POLN: variants seen among roughly 807,000 people sequenced by gnomAD.
The protein encoded by POLN is DNA polymerase nu, also known as DNA polymerase N.
In POLN, 108 loss-of-function variants were observed where a neutral mutation model predicts 113.5. The ratio of observed to expected loss-of-function variants is 0.95; its 90% CI spans 0.81 to 1.12. POLN has a LOEUF of 1.12. POLN is among the 50% of genes most tolerant of loss of function. POLN has a pLI of 0.00. For missense variants in POLN, 1,097 were observed against 1,077.1 expected, an observed-to-expected ratio of 1.02 and a Z score of -0.26; for synonymous variants, 386 against 391.5, an observed-to-expected ratio of 0.99 and a Z score of 0.17.
rs557456721 is a variant in POLN, at chr4:2,092,159, C to T, written c.2065+3692G>A. Among the ~76,000 whole-genome samples the T allele has an allele frequency of 1.6e-3, 237 of 152,272 alleles. 2 individuals carry two copies. In the Middle Eastern group the frequency reaches 0.02, roughly 13 times the overall value. Reference sequence around the variant, plus strand: ...AGTGCTGTGCGCCCAGGCCTCCTCCCGTGTCTCCTCTGACAGGTGCGAGCC... The same window carrying T: ...AGTGCTGTGCGCCCAGGCCTCCTCCTGTGTCTCCTCTGACAGGTGCGAGCC... On this transcript the variant is annotated intron_variant, in intron 20 of 25. Coordinates refer to ENST00000511885, the MANE Select transcript of POLN (RefSeq NM_181808.4).
chr4:2,150,650 A>G (rs1027056954), intron 16 of POLN, among the ~76,000 whole-genome samples: 1 of 152,260 alleles, frequency 6.6e-6, no homozygotes, highest in Non-Finnish European at 1.5e-5. Context: ...ATATAGATCA[A>G]CTAGACTGAG....
chr4:2,090,342 AG>A, intron 20 of POLN: 1 of 781,426 alleles, frequency 1.3e-6, no homozygotes, highest in Non-Finnish European at 2.1e-6. Flanking sequence ...AGCATCTCCA[AG>A]TACTTTCTCT....
intron 8 of POLN, chr4:2,177,223 C>T: frequency 2.2e-6 from 1 of 449,862 alleles, no homozygotes; most frequent in Non-Finnish European, 4.5e-6. Context: ...CAGGACAGGC[C>T]CAGCTCCCTG....
intron 7 of POLN, among the ~76,000 whole-genome samples, chr4:2,189,753 A>AG (rs1733390619): frequency 6.6e-6 from 1 of 151,046 alleles, no homozygotes; most frequent in South Asian, 2.1e-4. Context: ...CAAAAAGGCC[A>AG]GGCGCGGTGG....
intron 2 of POLN, chr4:2,232,136 C>T: frequency 1.9e-6 from 3 of 1,557,210 alleles, no homozygotes; most frequent in Non-Finnish European, 2.6e-6. Flanking sequence ...TGAGATTCAA[C>T]TTTATGAAAC....
chr4:2,179,228 G>T, intron 8 of POLN, 80 bp downstream of exon 8: 3 of 1,282,114 alleles, frequency 2.3e-6, no homozygotes, highest in South Asian at 1.4e-5. Flanking sequence ...TTTACTATTA[G>T]GCTATCAATA....
At chr4:2,201,960 GACAA>G (rs780272390) in intron 5 of POLN, among the ~76,000 whole-genome samples, 1 of 152,100 alleles carries the variant, frequency 6.6e-6, no homozygotes. Flanking sequence ...GTCCTTTTCA[GACAA>G]ACAAATGCTG....
At chr4:2,161,026 T>A (rs527383912) in intron 13 of POLN, among the ~76,000 whole-genome samples, 1 of 152,328 alleles carries the variant, frequency 6.6e-6, no homozygotes, top group Admixed American at 6.5e-5. Context: ...AGACACACTC[T>A]CTCTCCCTCT....
intron 24 of POLN, among the ~76,000 whole-genome samples, 192 bp from the exon 25 acceptor site, chr4:2,073,221 G>C (rs1202234786): frequency 6.6e-6 from 1 of 152,094 alleles, no homozygotes; most frequent in African/African-American, 2.4e-5. Context: ...CCCAGCCCCT[G>C]AGGCTGAGTC....
At chr4:2,097,530 T>C (rs1164246045) in intron 19 of POLN, among the ~76,000 whole-genome samples, 2 of 152,314 alleles carry the variant, frequency 1.3e-5, no homozygotes, top group South Asian at 2.1e-4. Context: ...TTTGTATTTT[T>C]AGTAGAGACA....
chr4:2,128,429 A>C (rs1731638710), intron 18 of POLN, among the ~76,000 whole-genome samples: 1 of 152,200 alleles, frequency 6.6e-6, no homozygotes, highest in Admixed American at 6.5e-5. Context: ...GAGGAGGCTC[A>C]GGAGTGAGTG....
At chr4:2,231,141 G>A (rs1217453545) in intron 2 of POLN, 1 of 152,174 alleles carries the variant, frequency 6.6e-6, no homozygotes, top group African/African-American at 2.4e-5. Flanking sequence ...TGTGGTACAA[G>A]TAGGGACATT....
At chr4:2,122,709 C>T (rs1731474449) in intron 19 of POLN, among the ~76,000 whole-genome samples, 1 of 152,134 alleles carries the variant, frequency 6.6e-6, no homozygotes, top group Non-Finnish European at 1.5e-5. Flanking sequence ...TACCACTGAA[C>T]TGCACATTTT....
At chr4:2,089,929 A>G in intron 20 of POLN, 1 of 987,050 alleles carries the variant, frequency 1.0e-6, no homozygotes, top group Non-Finnish European at 1.6e-6. Context: ...CATATCAGGA[A>G]TTAAGTTAGC....
rs757535204 is a variant in POLN at position 2,198,725 on chromosome 4, A to C, written c.715-8T>G. ...AACAGAAGAAACGGGGGTCTGTGGAAACACAACAAAATAAATTAAACCCAG... is the reference window on the plus strand; with the variant it reads ...AACAGAAGAAACGGGGGTCTGTGGACACACAACAAAATAAATTAAACCCAG... On this transcript the variant is annotated splice_region_variant and splice_polypyrimidine_tract_variant and intron_variant, in intron 5 of 25. Coordinates refer to ENST00000511885, the MANE Select transcript of POLN (RefSeq NM_181808.4). 1 of 1,589,768 alleles carries C rather than the reference A, an allele frequency of 6.3e-7. No individual in the cohort carries two copies. Among genetic ancestry groups the C allele is most frequent in the Admixed American group, 1.8e-5 (1 of 55,612 alleles).
intron 7 of POLN, among the ~76,000 whole-genome samples, chr4:2,192,114 CAA>C (rs772637540): frequency 1.0e-4 from 7 of 66,940 alleles, no homozygotes; most frequent in Admixed American, 1.7e-4. Flanking sequence ...GACTCCATCT[CAA>C]AAAAAAAAAA....
At chr4:2,229,345 T>C (rs1417700592) in intron 2 of POLN, 102 bp from the exon 3 acceptor site, 4 of 959,238 alleles carry the variant, frequency 4.2e-6, no homozygotes, top group Non-Finnish European at 5.9e-6. Context: ...AACTTTCATT[T>C]AAAATGTCTA....
chr4:2,096,686 A>AAGAGAGAGAGAGAGAG lies in POLN; in HGVS notation c.1983-769_1983-754dup, dbSNP rs750844060. Among the ~76,000 whole-genome samples, 188 of 130,000 alleles carry AAGAGAGAGAGAGAGAG rather than the reference A, an allele frequency of 1.4e-3. 1 individual carries two copies. The highest frequency in any genetic ancestry group is 4.5e-3 in the African/African-American group (154 of 33,898). The allele number at this position is 130,000 out of a possible 152,430, so 85.3% of individuals were successfully genotyped here. On this transcript the variant is annotated intron_variant, in intron 19 of 25. Coordinates refer to ENST00000511885, the MANE Select transcript of POLN (RefSeq NM_181808.4). ...CATCTCAGATTCAGAAGCCGAGAGAAAGAGAGAGAGAGAGAGAGAGAGAGA... is the reference window on the plus strand; with the variant it reads ...CATCTCAGATTCAGAAGCCGAGAGAAAGAGAGAGAGAGAGAGAGAGAGAGAGAGAGAGAGAGAGAGA...
chr4:2,129,270 T>C lies in POLN; in HGVS notation c.1790-14A>G. 1 of 1,544,084 alleles carries C rather than the reference T, an allele frequency of 6.5e-7. No individual in the cohort carries two copies. Among genetic ancestry groups the C allele is most frequent in the Non-Finnish European group, 9.0e-7 (1 of 1,116,834 alleles). On this transcript the variant is annotated splice_polypyrimidine_tract_variant and intron_variant, in intron 17 of 25. Transcript: ENST00000511885. Reference sequence around the variant, plus strand: ...TGTCTTCTTTACCTGAATTGTTATTTCAAGAGCATTTAGTGAATTTGGTCA... The same window carrying C: ...TGTCTTCTTTACCTGAATTGTTATTCCAAGAGCATTTAGTGAATTTGGTCA...
Sources: allele counts gnomAD v4.1 joint callset (sites outside exome capture counted in the v4.1 genomes callset), GRCh38; gene constraint gnomAD v4.1.1; transcripts MANE v1.5; gene names NCBI Gene and HGNC (gene_info 2026-07-23, HGNC 2026-07-21).